FBN3: variants seen among roughly 807,000 people sequenced by gnomAD.
FBN3 encodes the protein fibrillin-3.
In FBN3, 234 loss-of-function variants were observed where a neutral mutation model predicts 330.1. That is an observed-to-expected ratio of 0.71 (90% confidence interval 0.64 to 0.79). The LOEUF (loss-of-function observed/expected upper bound fraction) is 0.79, where lower values mean the gene tolerates loss of function less well. Ranked by LOEUF, FBN3 falls within the 30% of genes least tolerant of loss-of-function variation. The probability of loss-of-function intolerance (pLI) is 0.00; values close to 1 mark genes in which losing one functional copy is unlikely to be tolerated. For missense variants in FBN3, 3,606 were observed against 3,886.9 expected (o/e 0.93, Z 1.92); for synonymous variants, 1,458 against 1,517.3 (o/e 0.96, Z 0.91).
At chr19:8,082,220 C>T (rs1428768468) in intron 57 of FBN3, among the ~76,000 whole-genome samples, 1 of 151,760 alleles carries the variant, frequency 6.6e-6, no homozygotes, top group East Asian at 1.9e-4. Flanking sequence ...CCTTCTGCCT[C>T]AGCCTCCCAA....
intron 6 of FBN3, among the ~76,000 whole-genome samples, chr19:8,143,815 C>CTTTTT (rs112225462): frequency 7.3e-6 from 1 of 137,890 alleles, no homozygotes; most frequent in Non-Finnish European, 1.5e-5. Context: ...TTCTTTCTTT[C>CTTTTT]TTTCTTTTTT....
At chr19:8,144,392 CA>C (rs71286221) in intron 6 of FBN3, among the ~76,000 whole-genome samples, 100 of 147,512 alleles carry the variant, frequency 6.8e-4, no homozygotes, top group Middle Eastern at 6.9e-3. Flanking sequence ...AACTTTGTCT[CA>C]AAAAAAAAAG....
chr19:8,111,047 C>T lies in FBN3; in HGVS notation c.4210+11G>A. ...CCACTCTGTCCTCTGCCCTGGCGGGCCCAACCTTACCCTGGCAGGCCCGGT... is the reference window on the plus strand; with the variant it reads ...CCACTCTGTCCTCTGCCCTGGCGGGTCCAACCTTACCCTGGCAGGCCCGGT... On this transcript the variant is annotated intron_variant, in intron 33 of 63. Coordinates refer to ENST00000600128, the MANE Select transcript of FBN3 (RefSeq NM_032447.5). 1 of 1,612,966 alleles carries T rather than the reference C, an allele frequency of 6.2e-7. No individual in the cohort carries two copies. Among genetic ancestry groups the T allele is most frequent in the Non-Finnish European group, 8.5e-7 (1 of 1,179,316 alleles).
intron 18 of FBN3, among the ~76,000 whole-genome samples, chr19:8,127,438 G>A (rs1357084312): frequency 6.6e-6 from 1 of 152,076 alleles, no homozygotes; most frequent in Non-Finnish European, 1.5e-5. Context: ...TTGTTTGTTT[G>A]CTTTTGCCAA....
rs771588523 is a variant in FBN3 at position 8,122,993 on chromosome 19, C to A, written c.3082+471G>T. ...CCTTCTTTTATAGTCAGGGTCCCTG[C>A]AGCCCAAGGAGGGCAATCACCTGCC... On this transcript the variant is annotated intron_variant, in intron 24 of 63. Coordinates refer to ENST00000600128, the MANE Select transcript of FBN3 (RefSeq NM_032447.5). Among the ~76,000 whole-genome samples, 27 of 152,086 alleles carry A rather than the reference C, an allele frequency of 1.8e-4. No homozygotes were observed. In the Middle Eastern group the frequency reaches 0.014, roughly 77 times the overall value.
rs1340303064 is a variant in FBN3, at chr19:8,096,773, C to T, written c.5413+108G>A. On this transcript the variant is annotated intron_variant, in intron 43 of 63. Coordinates refer to ENST00000600128, the MANE Select transcript of FBN3 (RefSeq NM_032447.5). The surrounding 1 kb of genome is among the most constrained non-coding windows in gnomAD (Gnocchi z 4.6). ...ACACTCTCAATACATCCCCCACCCC[C>T]CTAATAGTATAGAAAAGGAGAAAGA... 41 of 1,386,690 alleles carry T rather than the reference C, an allele frequency of 3.0e-5. No individual in the cohort carries two copies. Among genetic ancestry groups the T allele is most frequent in the Non-Finnish European group, 4.0e-5 (40 of 1,012,312 alleles). The allele number at this position is 1,386,690 out of a possible 1,614,324, so 85.9% of individuals were successfully genotyped here.
intron 58 of FBN3, 111 bp from the exon 59 acceptor site, chr19:8,081,230 T>C (rs2303169): frequency 0.55 from 811,690 of 1,475,976 alleles, 228,925 homozygotes; most frequent in African/African-American, 0.81. Flanking sequence ...GAGAAAGACC[T>C]CGGAGATGGT....
At chr19:8,118,788 G>A in intron 26 of FBN3, 109 bp downstream of exon 26, 6 of 1,380,762 alleles carry the variant, frequency 4.3e-6, no homozygotes, top group Middle Eastern at 1.8e-4. Flanking sequence ...CAGAAAGACA[G>A]ATACACATGC....
chr19:8,069,732 C>T (rs35624673), intron 63 of FBN3, among the ~76,000 whole-genome samples: 62,565 of 152,036 alleles, frequency 0.41, 13,057 homozygotes, highest in South Asian at 0.57. Flanking sequence ...ACTACAGGCA[C>T]ATGGCACCAC....
In FBN3 at chr19:8,103,629, G is replaced by A. The variant is rs73922221; in HGVS notation, c.4872C>T (p.Thr1624=). Residue 1624 remains threonine, a synonymous_variant, in exon 39 of 64, where the codon ACC becomes ACT. Transcript: ENST00000600128. ...GICGPGTCYN[T]LGNYTCVCPA... is the part of the protein sequence containing the mutation. ...GGCAGACACAGGTGTAGTTCCCCAG[G>A]GTGTTGTAGCAGGTGCCAGGGCCAC... is the stretch of plus-strand genomic sequence containing the variant. 3,980 of 1,613,668 alleles carry A rather than the reference G, an allele frequency of 2.5e-3. 98 individuals are homozygous for A. In the African/African-American group the frequency reaches 0.047, roughly 19 times the overall value.
At position 8,065,780 on chromosome 19, in the gene FBN3, C is replaced by A. The variant is rs2081376186; in HGVS notation, c.*139G>T. The A allele has an allele frequency of 1.3e-6, 1 of 777,600 alleles. No homozygotes were observed. The highest frequency in any genetic ancestry group is 2.8e-5 in the East Asian group (1 of 35,470). The allele number at this position is 777,600 out of a possible 1,614,324, so 48.2% of individuals were successfully genotyped here. On this transcript the variant is annotated 3_prime_UTR_variant, in exon 64 of 64. Coordinates refer to ENST00000600128, the MANE Select transcript of FBN3 (RefSeq NM_032447.5). ...AGGCCCAGGCAGAGGCCGGGCTTGC[C>A]TGAGGTTGTCGTGTAGCATTTCACT...
At chr19:8,118,182 C>T (rs2082754394) in intron 26 of FBN3, among the ~76,000 whole-genome samples, 2 of 152,120 alleles carry the variant, frequency 1.3e-5, no homozygotes, top group Non-Finnish European at 2.9e-5. Context: ...CACAGACCCA[C>T]TCAAACACAT....
chr19:8,148,569 G>A (rs923044911), intron 1 of FBN3, among the ~76,000 whole-genome samples: 3 of 152,220 alleles, frequency 2.0e-5, no homozygotes, highest in Non-Finnish European at 4.4e-5. Flanking sequence ...GGAGGGAGAA[G>A]ACCGGGACAG....
intron 6 of FBN3, among the ~76,000 whole-genome samples, chr19:8,142,388 C>T (rs1353397852): frequency 6.6e-6 from 1 of 152,148 alleles, no homozygotes; most frequent in Non-Finnish European, 1.5e-5. Context: ...GCCAATAAAG[C>T]TCAGGGCCTG....
intron 13 of FBN3, among the ~76,000 whole-genome samples, chr19:8,134,103 G>A (rs779038942): frequency 1.3e-5 from 2 of 151,580 alleles, no homozygotes; most frequent in African/African-American, 2.4e-5. Flanking sequence ...TCAGCCGGGC[G>A]TGGTGGTGGG....
chr19:8,096,062 CG>C lies in FBN3; in HGVS notation c.5557del (p.Arg1853GlyfsTer26). The C allele has an allele frequency of 6.2e-7, 1 of 1,613,686 alleles. No homozygotes were observed. On this transcript the variant is annotated frameshift_variant, in exon 45 of 64. Coordinates refer to ENST00000600128, the MANE Select transcript of FBN3 (RefSeq NM_032447.5). LOFTEE classifies it high-confidence loss of function. This position sits in a 1 kb window ranked among gnomAD's most constrained non-coding sequence, Gnocchi z 4.6. ...TLCMDIDECD[R>X]QPCGNGTCKN... ...GCAGGTCCCATTTCCACAAGGCTGC[CG>C]GTCACACTCGTCAATGTCTGCAGAA... is the stretch of plus-strand genomic sequence containing the variant.
In FBN3 at chr19:8,109,280, GAGCAAC is replaced by G; in HGVS notation, c.4559_4564del (p.Cys1520_Cys1521del). Reference sequence around the variant, plus strand: ...GGGATTGCCCCAAGCCCGGCCCAGGGAGCAACAGCAGGAAGCTCGGGTGACACCAAC... The same window carrying G: ...GGGATTGCCCCAAGCCCGGCCCAGGGAGCAGGAAGCTCGGGTGACACCAAC... On this transcript the variant is annotated inframe_deletion, in exon 36 of 64. Coordinates refer to ENST00000600128, the MANE Select transcript of FBN3 (RefSeq NM_032447.5). The surrounding 1 kb of genome is among the most constrained non-coding windows in gnomAD (Gnocchi z 5.2). 3 of 1,614,190 alleles carry G rather than the reference GAGCAAC, an allele frequency of 1.9e-6. No homozygotes were observed. Among genetic ancestry groups the G allele is most frequent in the Non-Finnish European group, 2.5e-6 (3 of 1,180,032 alleles).
chr19:8,145,714 T>C (rs2083525048), intron 5 of FBN3, 129 bp downstream of exon 5: 8 of 458,256 alleles, frequency 1.7e-5, no homozygotes, highest in Non-Finnish European at 2.7e-5. Flanking sequence ...ACTGTGGCAA[T>C]AAACGTCCCC....
In FBN3 at chr19:8,074,971, T is replaced by C. The variant is rs901721041; in HGVS notation, c.7702+100A>G. ...CTGGCCTGTTCAATCTTTAGATAAT[T>C]GTGCTTGTCACATCATCTTGCAGGG... On this transcript the variant is annotated intron_variant, in intron 61 of 63. Transcript: ENST00000600128. 64 of 1,457,658 alleles carry C rather than the reference T, an allele frequency of 4.4e-5. No individual in the cohort carries two copies. The African/African-American group carries it at 8.4e-4, about 19-fold the overall frequency. 90.3% of individuals were successfully genotyped at this position (1,457,658 alleles called of 1,614,324 possible).
Sources: allele counts gnomAD v4.1 joint callset (sites outside exome capture counted in the v4.1 genomes callset), GRCh38; gene constraint gnomAD v4.1.1; non-coding constraint Gnocchi (gnomAD v3.1); transcripts MANE v1.5; gene names NCBI Gene and HGNC (gene_info 2026-07-23, HGNC 2026-07-21).